ABCB1: variants seen among roughly 807,000 people sequenced by gnomAD.
The protein encoded by ABCB1 is ATP-dependent translocase ABCB1.
In ABCB1, 69 loss-of-function variants were observed where a neutral mutation model predicts 142.0. The observed-to-expected ratio is 0.49, with a 90% CI of 0.40 to 0.59. ABCB1 has a LOEUF of 0.59. Ranked by LOEUF, ABCB1 falls within the 20% of genes least tolerant of loss-of-function variation. The pLI is 0.00. For missense variants in ABCB1, 1,326 were observed against 1,554.7 expected (o/e 0.85, Z 2.47); for synonymous variants, 532 against 539.2 (o/e 0.99, Z 0.18).
chr7:87,599,144 T>C (rs904926529), intron 2 of ABCB1, among the ~76,000 whole-genome samples: 2 of 152,338 alleles, frequency 1.3e-5, no homozygotes, highest in African/African-American at 4.8e-5. Flanking sequence ...ATAATATTAA[T>C]GTGTTTACTA....
chr7:87,565,632 C>A, intron 7 of ABCB1: 1 of 336,040 alleles, frequency 3.0e-6, no homozygotes, highest in Non-Finnish European at 5.8e-6. Flanking sequence ...AAGCCAAAAA[C>A]ATTAAAGTAA....
chr7:87,521,033 T>C, intron 21 of ABCB1, 157 bp from the exon 22 acceptor site: 5 of 646,082 alleles, frequency 7.7e-6, no homozygotes, highest in Middle Eastern at 3.9e-4. Context: ...AAGTAATTTA[T>C]CAAACTGAGT....
intron 3 of ABCB1, among the ~76,000 whole-genome samples, chr7:87,588,772 G>C (rs1818865919): frequency 6.6e-6 from 1 of 152,206 alleles, no homozygotes; most frequent in South Asian, 2.1e-4. Flanking sequence ...TGGCTGAACA[G>C]TGTATAAATG....
chr7:87,546,126 A>T, intron 14 of ABCB1, 102 bp from the exon 15 acceptor site: 1 of 1,175,184 alleles, frequency 8.5e-7, no homozygotes, highest in Non-Finnish European at 1.3e-6. Flanking sequence ...GGCATTGTAA[A>T]ACCATCAAAT....
In ABCB1 at chr7:87,545,980, A is replaced by G; in HGVS notation, c.1770T>C (p.Ser590=). 6.2e-7 allele frequency: 1 copy of G among 1,614,176 alleles called. No individual in the cohort carries two copies. Among genetic ancestry groups the G allele is most frequent in the Non-Finnish European group, 8.5e-7 (1 of 1,180,022 alleles). The change falls in exon 15 of 28, where the codon TCT becomes TCC. Residue 590 remains serine, a synonymous_variant. Coordinates refer to ENST00000622132, the MANE Select transcript of ABCB1 (RefSeq NM_001348946.2). ...RTTIVIAHRL[S]TVRNADVIAG... Reference sequence around the variant, plus strand: ...CGATGACGTCAGCATTACGAACTGTAGACAAACGATGAGCTATCACAATGG... The same window carrying G: ...CGATGACGTCAGCATTACGAACTGTGGACAAACGATGAGCTATCACAATGG...
At chr7:87,586,094 T>G (rs1410658845) in intron 3 of ABCB1, among the ~76,000 whole-genome samples, 1 of 152,178 alleles carries the variant, frequency 6.6e-6, no homozygotes, top group African/African-American at 2.4e-5. Flanking sequence ...AAACATTGTG[T>G]TGCTTTAAGA....
At chr7:87,617,780 T>G (rs1433150573) in intron 1 of ABCB1, among the ~76,000 whole-genome samples, 1 of 152,200 alleles carries the variant, frequency 6.6e-6, no homozygotes, top group Non-Finnish European at 1.5e-5. Flanking sequence ...TGTAAGCCTT[T>G]GGTTTCAAAC....
At chr7:87,533,192 T>C (rs922728882) in intron 20 of ABCB1, among the ~76,000 whole-genome samples, 14 of 152,128 alleles carry the variant, frequency 9.2e-5, no homozygotes, top group Admixed American at 1.3e-4. Flanking sequence ...GGTCAAAGGA[T>C]GCAAGCTGGA....
intron 9 of ABCB1, among the ~76,000 whole-genome samples, chr7:87,553,370 C>T (rs972516894): frequency 1.4e-5 from 2 of 138,014 alleles, no homozygotes; most frequent in Non-Finnish European, 3.0e-5. Flanking sequence ...ACCCAGGCTG[C>T]GGTGCAGTGG....
Position 87,544,965 on chromosome 7 carries a change from G to C in ABCB1, c.1922C>G (p.Ala641Gly), listed in dbSNP as rs748496246. 1.4e-5 allele frequency: 23 copies of C among 1,614,002 alleles called. No homozygotes were observed. Among genetic ancestry groups the C allele is most frequent in the Non-Finnish European group, 8.5e-7 (1 of 1,179,988 alleles). ...AGNEVELENA[A>G]DESKSEIDAL... ...ATCAATTTCACTTTTGGATTCATCA[G>C]CTGCATTTTCTAATTCAACTTCATT... Residue 641 changes from alanine to glycine, a missense_variant, in exon 16 of 28, where the codon GCT (alanine) becomes GGT (glycine). Coordinates refer to ENST00000622132, the MANE Select transcript of ABCB1 (RefSeq NM_001348946.2).
intron 8 of ABCB1, among the ~76,000 whole-genome samples, chr7:87,559,914 G>A (rs1022343672): frequency 6.6e-6 from 1 of 152,152 alleles, no homozygotes; most frequent in Non-Finnish European, 1.5e-5. Context: ...CCTTTTCTCT[G>A]AGGAAAACTG....
chr7:87,692,189 A>G (rs966907860), intron 1 of ABCB1, among the ~76,000 whole-genome samples: 8 of 152,098 alleles, frequency 5.3e-5, no homozygotes, highest in Non-Finnish European at 1.2e-4. Context: ...GGTGGCTCAC[A>G]ACTGTAATCC....
chr7:87,516,029 A>C (rs1416124308), intron 24 of ABCB1, among the ~76,000 whole-genome samples: 1 of 152,208 alleles, frequency 6.6e-6, no homozygotes, highest in Non-Finnish European at 1.5e-5. Context: ...AGTAACTTAC[A>C]TACAATAAAA....
intron 1 of ABCB1, among the ~76,000 whole-genome samples, chr7:87,654,999 G>A (rs181081017): frequency 1.3e-4 from 20 of 152,104 alleles, no homozygotes; most frequent in African/African-American, 2.9e-4. Context: ...ATATCCCCTC[G>A]TTAGAATGCA....
rs758212180 is a variant in ABCB1, at chr7:87,509,391, A to C, written c.3373T>G (p.Cys1125Gly). 4.3e-6 allele frequency: 7 copies of C among 1,614,202 alleles called. No individual in the cohort carries two copies. Among genetic ancestry groups the C allele is most frequent in the Non-Finnish European group, 5.9e-6 (7 of 1,180,032 alleles). Residue 1125 changes from cysteine to glycine, a missense_variant, in exon 26 of 28, where the codon TGC (cysteine) becomes GGC (glycine). Cys to Gly is a radical substitution (Grantham distance 159). Transcript: ENST00000622132. The part of the protein sequence containing the change: ...IVSQEPILFD[C>G]SIAENIAYGD... ...TAGGCAATGTTCTCAGCAATGCTGC[A>C]GTCAAACAGGATGGGCTCCTGGGAC...
At chr7:87,530,810 AAAGC>A (rs1816004747) in intron 21 of ABCB1, among the ~76,000 whole-genome samples, 2 of 93,112 alleles carry the variant, frequency 2.1e-5, no homozygotes, top group African/African-American at 9.8e-5. Flanking sequence ...AGAAAGCAAG[AAAGC>A]AAGAAAGCAA....
At chr7:87,520,699 A>G in intron 22 of ABCB1, 77 bp downstream of exon 22, 1 of 1,320,920 alleles carries the variant, frequency 7.6e-7, no homozygotes, top group Non-Finnish European at 1.1e-6. Context: ...CCTTCTAGCC[A>G]AAGTAATCCC....
At chr7:87,659,276 C>G (rs1401706824) in intron 1 of ABCB1, 1 of 402,098 alleles carries the variant, frequency 2.5e-6, no homozygotes, top group Non-Finnish European at 4.9e-6. Flanking sequence ...TGTTTGTTCC[C>G]CCTGTTCTTG....
chr7:87,548,293 A>C, intron 14 of ABCB1, among the ~76,000 whole-genome samples: 1 of 148,032 alleles, frequency 6.8e-6, no homozygotes, highest in Admixed American at 6.7e-5. Flanking sequence ...AGGGAAGGTC[A>C]GGAAAGGAAA....
Sources: allele counts gnomAD v4.1 joint callset (sites outside exome capture counted in the v4.1 genomes callset), GRCh38; gene constraint gnomAD v4.1.1; transcripts MANE v1.5; gene names NCBI Gene and HGNC (gene_info 2026-07-23, HGNC 2026-07-21).